The following MALRD1 variants were observed in gnomAD, a reference collection of about 807,000 sequenced individuals.
MALRD1 encodes MAM and LDL-receptor class A domain-containing protein 1.
In MALRD1, 247 loss-of-function variants were observed where a neutral mutation model predicts 242.1. That is an observed-to-expected ratio of 1.02 (90% CI 0.92 to 1.13). MALRD1 has a LOEUF of 1.13. Ranked by LOEUF, MALRD1 falls within the 50% of genes most tolerant of loss-of-function variation. The pLI, the probability that MALRD1 is intolerant of heterozygous loss-of-function variation, is 0.00. For missense variants in MALRD1, 2,989 were observed against 2,533.1 expected (o/e 1.18, Z -3.86); for synonymous variants, 995 against 866.6 (o/e 1.15, Z -2.60).
At chr10:19,175,398 A>T in intron 14 of MALRD1, 70 bp downstream of exon 14, 28 of 1,159,800 alleles carry the variant, frequency 2.4e-5, no homozygotes, top group Non-Finnish European at 3.0e-5. Flanking sequence ...CAAAATATAA[A>T]ATGTATTAGA....
intron 19 of MALRD1, among the ~76,000 whole-genome samples, chr10:19,262,973 T>A (rs1237616882): frequency 1.4e-4 from 22 of 152,220 alleles, no homozygotes; most frequent in Non-Finnish European, 7.3e-5. Context: ...TTGATTTTTT[T>A]AAAGCTGCAT....
At chr10:19,733,614 A>C (rs75061519) in intron 39 of MALRD1, among the ~76,000 whole-genome samples, 7,363 of 150,990 alleles carry the variant, frequency 0.049, 226 homozygotes, top group East Asian at 0.092. Context: ...ATCTCTTTTC[A>C]TCTCTAGGTT....
intron 29 of MALRD1, among the ~76,000 whole-genome samples, chr10:19,476,198 T>C (rs1564374080): frequency 6.6e-6 from 1 of 152,090 alleles, no homozygotes; most frequent in Non-Finnish European, 1.5e-5. Context: ...TTTACGGAAA[T>C]GTGCTCCAAT....
chr10:19,650,280 G>A (rs1840810557), intron 36 of MALRD1, among the ~76,000 whole-genome samples: 1 of 152,122 alleles, frequency 6.6e-6, no homozygotes, highest in Non-Finnish European at 1.5e-5. Context: ...ATCACTGAAA[G>A]CGAACATGAA....
chr10:19,469,333 A>G (rs1376740882), intron 29 of MALRD1, among the ~76,000 whole-genome samples: 3 of 152,098 alleles, frequency 2.0e-5, no homozygotes, highest in African/African-American at 7.2e-5. Flanking sequence ...AGTCACTACC[A>G]TGTCTTTTAT....
At chr10:19,134,427 G>C (rs1247072644) in intron 9 of MALRD1, among the ~76,000 whole-genome samples, 1 of 152,208 alleles carries the variant, frequency 6.6e-6, no homozygotes, top group Non-Finnish European at 1.5e-5. Context: ...ATTTTGTGTT[G>C]TATTAGGTTG....
At chr10:19,648,950 C>T (rs1840757926) in intron 36 of MALRD1, among the ~76,000 whole-genome samples, 1 of 152,078 alleles carries the variant, frequency 6.6e-6, no homozygotes, top group African/African-American at 2.4e-5. Flanking sequence ...TTCATAAGTT[C>T]TTATCATTGA....
At chr10:19,298,393 T>C (rs915672667) in intron 21 of MALRD1, among the ~76,000 whole-genome samples, 1 of 151,742 alleles carries the variant, frequency 6.6e-6, no homozygotes, top group African/African-American at 2.4e-5. Flanking sequence ...CAACATGATA[T>C]TTGGTTGGAA....
At chr10:19,366,340 C>G (rs985801045) in intron 26 of MALRD1, among the ~76,000 whole-genome samples, 1 of 151,946 alleles carries the variant, frequency 6.6e-6, no homozygotes, top group Admixed American at 6.6e-5. Flanking sequence ...GGTTTGCGCT[C>G]CTATGAGAAG....
intron 28 of MALRD1, among the ~76,000 whole-genome samples, chr10:19,443,722 A>G (rs988004363): frequency 7.2e-5 from 11 of 152,124 alleles, no homozygotes; most frequent in Admixed American, 7.2e-4. Flanking sequence ...ACATTTGCTG[A>G]GGAGTTCTTT....
intron 29 of MALRD1, among the ~76,000 whole-genome samples, chr10:19,464,248 A>G (rs1012377924): frequency 3.3e-5 from 5 of 151,942 alleles, no homozygotes; most frequent in African/African-American, 1.2e-4. Flanking sequence ...TTTTTGTTGC[A>G]TTTGCTTTTG....
chr10:19,197,743 T>C (rs1383815320), intron 14 of MALRD1, among the ~76,000 whole-genome samples: 1 of 152,310 alleles, frequency 6.6e-6, no homozygotes, highest in East Asian at 1.9e-4. Context: ...TATTCTTCCT[T>C]ATTTTATTTT....
intron 18 of MALRD1, among the ~76,000 whole-genome samples, chr10:19,237,710 ATATT>A (rs1475161296): frequency 3.6e-5 from 4 of 110,128 alleles, no homozygotes; most frequent in Non-Finnish European, 7.0e-5. Flanking sequence ...AATTATATAT[ATATT>A]TATATATAAA....
intron 33 of MALRD1, among the ~76,000 whole-genome samples, chr10:19,575,626 A>G (rs558178193): frequency 2.0e-5 from 3 of 152,126 alleles, no homozygotes; most frequent in Non-Finnish European, 4.4e-5. Flanking sequence ...GGCCTCAAAA[A>G]TCTCTTGGTT....
chr10:19,192,343 T>C (rs1271838472), intron 14 of MALRD1, among the ~76,000 whole-genome samples: 2 of 152,204 alleles, frequency 1.3e-5, no homozygotes, highest in African/African-American at 2.4e-5. Context: ...ATACATTTTA[T>C]GTTATGTGTA....
chr10:19,564,915 C>T (rs1449384214), intron 32 of MALRD1, among the ~76,000 whole-genome samples: 1 of 152,030 alleles, frequency 6.6e-6, no homozygotes, highest in Non-Finnish European at 1.5e-5. Flanking sequence ...TCTCATTAGA[C>T]ATAATGAATA....
chr10:19,437,516 T>C (rs1445681811), intron 28 of MALRD1, among the ~76,000 whole-genome samples: 1 of 151,762 alleles, frequency 6.6e-6, no homozygotes, highest in African/African-American at 2.4e-5. Flanking sequence ...ATTATTATTA[T>C]TTTTTGTTAT....
At chr10:19,585,181 T>C (rs551242511) in intron 33 of MALRD1, among the ~76,000 whole-genome samples, 81 of 152,334 alleles carry the variant, frequency 5.3e-4, no homozygotes, top group South Asian at 1.9e-3. Context: ...CTTTATCCAA[T>C]TTGCCGGTCT....
chr10:19,560,074 G>A (rs1439806746), intron 32 of MALRD1, among the ~76,000 whole-genome samples: 1 of 152,224 alleles, frequency 6.6e-6, no homozygotes, highest in Non-Finnish European at 1.5e-5. Flanking sequence ...GTGGAAGACA[G>A]TGTGGTGATT....
Sources: gnomAD v4.1 joint callset for allele counts (sites outside exome capture counted in the v4.1 genomes callset) on GRCh38, gnomAD v4.1.1 for gene constraint, MANE v1.5 for transcripts, NCBI Gene and HGNC (gene_info 2026-07-23, HGNC 2026-07-21) for gene names.